Variants in FGF12 observed in about 807,000 individuals in gnomAD.
The protein encoded by FGF12 is fibroblast growth factor 12.
A neutral mutation model predicts 23.6 loss-of-function variants in FGF12; 14 were observed. That is an observed-to-expected ratio of 0.59 (90% CI 0.39 to 0.93). FGF12 has a LOEUF of 0.93. Ranked by LOEUF, FGF12 falls within the 40% of genes least tolerant of loss-of-function variation. The pLI, the probability that FGF12 is intolerant of heterozygous loss-of-function variation, is 0.00. For missense variants in FGF12, 175 were observed against 217.8 expected (o/e 0.80, Z 1.24); for synonymous variants, 62 against 77.3 (o/e 0.80, Z 1.04).
intron 4 of FGF12, among the ~76,000 whole-genome samples, chr3:192,255,242 G>A (rs574104376): frequency 6.6e-6 from 1 of 151,910 alleles, no homozygotes; most frequent in East Asian, 1.9e-4. Context: ...TCAATAAAAG[G>A]TAATTTATTA....
rs1207945098 is a variant in FGF12 at position 192,142,380 on chromosome 3, G to A, written c.*1629C>T. The A allele has an allele frequency of 6.6e-6, 1 of 152,522 alleles. No homozygotes were observed. The highest frequency in any genetic ancestry group is 1.5e-5 in the Non-Finnish European group (1 of 67,950). 9.4% of individuals were successfully genotyped at this position (152,522 alleles called of 1,614,324 possible). A position where few individuals can be genotyped will look rare whatever the true frequency, so the allele number is the denominator to read the frequency against. ...CTGCAAAGTGTATATATTTTAGGGA[G>A]TCATATTTGGAACAATACATGCTGG... On this transcript the variant is annotated 3_prime_UTR_variant, in exon 6 of 6. Transcript: ENST00000445105.
chr3:192,172,934 T>C (rs1214546503), intron 4 of FGF12, among the ~76,000 whole-genome samples: 1 of 151,088 alleles, frequency 6.6e-6, no homozygotes, highest in African/African-American at 2.4e-5. Context: ...TTCTACAGAA[T>C]GCAACTGTAA....
intron 4 of FGF12, among the ~76,000 whole-genome samples, chr3:192,295,105 CTCATTCTCTTGCT>C (rs975790144): frequency 1.3e-5 from 2 of 152,112 alleles, no homozygotes; most frequent in African/African-American, 4.8e-5. Flanking sequence ...TGAATCTTGC[CTCATTCTCTTGCT>C]AGCATTCAGT....
intron 2 of FGF12, among the ~76,000 whole-genome samples, chr3:192,688,429 C>T (rs372207462): frequency 2.0e-5 from 3 of 152,144 alleles, no homozygotes; most frequent in South Asian, 2.1e-4. Context: ...AAAGAATGCA[C>T]GCATCAAATG....
chr3:192,603,705 A>T (rs1165888451), intron 2 of FGF12, among the ~76,000 whole-genome samples: 1 of 152,194 alleles, frequency 6.6e-6, no homozygotes, highest in Non-Finnish European at 1.5e-5. Context: ...GGTCACAAAG[A>T]TCACATGCCT....
intron 4 of FGF12, among the ~76,000 whole-genome samples, chr3:192,315,849 G>A (rs1716201706): frequency 6.6e-6 from 1 of 152,150 alleles, no homozygotes; most frequent in East Asian, 1.9e-4. Flanking sequence ...ACAACAAGGA[G>A]GACATGGACT....
chr3:192,443,869 T>G (rs538012690), intron 2 of FGF12, among the ~76,000 whole-genome samples: 1 of 152,122 alleles, frequency 6.6e-6, no homozygotes, highest in Non-Finnish European at 1.5e-5. Flanking sequence ...ACCAGGAGAA[T>G]AGCAGGTGGG....
intron 2 of FGF12, among the ~76,000 whole-genome samples, chr3:192,672,384 T>C (rs1717156695): frequency 6.6e-6 from 1 of 151,096 alleles, no homozygotes; most frequent in Non-Finnish European, 1.5e-5. Flanking sequence ...TGGACAAACC[T>C]GAAAATTCCA....
At chr3:192,447,376 C>T (rs146681486) in intron 2 of FGF12, among the ~76,000 whole-genome samples, 6 of 151,962 alleles carry the variant, frequency 3.9e-5, no homozygotes, top group Admixed American at 6.5e-5. Flanking sequence ...AAGATGAAGA[C>T]GCTCTCCAAA....
At chr3:192,445,074 A>G (rs1293082942) in intron 2 of FGF12, among the ~76,000 whole-genome samples, 1 of 152,270 alleles carries the variant, frequency 6.6e-6, no homozygotes, top group African/African-American at 2.4e-5. Context: ...AGCACTAATT[A>G]CTACTCTTCC....
At chr3:192,394,365 A>C (rs1324033968) in intron 2 of FGF12, among the ~76,000 whole-genome samples, 2 of 152,194 alleles carry the variant, frequency 1.3e-5, no homozygotes, top group Non-Finnish European at 1.5e-5. Context: ...ACAACAGAGA[A>C]GCTAATAAAA....
At chr3:192,369,478 G>A (rs1219698893) in intron 2 of FGF12, among the ~76,000 whole-genome samples, 1 of 152,170 alleles carries the variant, frequency 6.6e-6, no homozygotes, top group South Asian at 2.1e-4. Flanking sequence ...TTGTCTCAAA[G>A]CTACATGGAA....
chr3:192,560,874 GAA>G (rs907622331), intron 2 of FGF12, among the ~76,000 whole-genome samples: 39 of 152,082 alleles, frequency 2.6e-4, no homozygotes, highest in African/African-American at 8.7e-4. Flanking sequence ...ACATAGATGT[GAA>G]AGAGTAATAA....
chr3:192,450,507 T>A (rs570911678), intron 2 of FGF12, among the ~76,000 whole-genome samples: 1 of 152,300 alleles, frequency 6.6e-6, no homozygotes, highest in South Asian at 2.1e-4. Flanking sequence ...TAGATTAACA[T>A]CCTAACTTTT....
At chr3:192,494,805 C>T (rs1471073213) in intron 2 of FGF12, among the ~76,000 whole-genome samples, 1 of 151,768 alleles carries the variant, frequency 6.6e-6, no homozygotes, top group Admixed American at 6.6e-5. Context: ...TATCTACATA[C>T]TTGAAAGTGC....
At chr3:192,283,685 A>G (rs1375029055) in intron 4 of FGF12, among the ~76,000 whole-genome samples, 1 of 152,042 alleles carries the variant, frequency 6.6e-6, no homozygotes, top group African/African-American at 2.4e-5. Flanking sequence ...TTTATTCCAT[A>G]TGAGATGTAG....
At chr3:192,555,417 T>A (rs1711719887) in intron 2 of FGF12, among the ~76,000 whole-genome samples, 1 of 152,120 alleles carries the variant, frequency 6.6e-6, no homozygotes, top group Admixed American at 6.6e-5. Context: ...AAATCACTTT[T>A]AATTCTGGTG....
At chr3:192,635,506 A>G (rs997720253) in intron 2 of FGF12, among the ~76,000 whole-genome samples, 1 of 152,236 alleles carries the variant, frequency 6.6e-6, no homozygotes, top group Admixed American at 6.5e-5. Context: ...ACGTCACTTT[A>G]CAATACTTAA....
At chr3:192,607,846 T>TAAAAAAAAAAAAAAA (rs36061162) in intron 2 of FGF12, among the ~76,000 whole-genome samples, 1 of 122,052 alleles carries the variant, frequency 8.2e-6, no homozygotes, top group Non-Finnish European at 1.7e-5. Flanking sequence ...CACTGAAAAT[T>TAAAAAAAAAAAAAAA]AAAAAAAAAA....
Sources: gnomAD v4.1 joint callset for allele counts (sites outside exome capture counted in the v4.1 genomes callset) on GRCh38, gnomAD v4.1.1 for gene constraint, MANE v1.5 for transcripts, NCBI Gene and HGNC (gene_info 2026-07-23, HGNC 2026-07-21) for gene names.